MARK2: variants seen among roughly 807,000 people sequenced by gnomAD.
The protein encoded by MARK2 is serine/threonine-protein kinase MARK2.
MARK2 carries 16 observed loss-of-function variants against 89.8 expected under a neutral mutation model. That is an observed-to-expected ratio of 0.18 (90% CI 0.12 to 0.27). The LOEUF (loss-of-function observed/expected upper bound fraction) is 0.27. Among genes scored for constraint, MARK2 ranks in the 10% least tolerant of loss-of-function variants. MARK2 has a pLI of 1.00. For synonymous variants in MARK2, 382 were observed against 399.5 expected (o/e 0.96, Z 0.52); for missense variants, 621 against 1,049.9 (o/e 0.59, Z 5.65).
intron 1 of MARK2, among the ~76,000 whole-genome samples, chr11:63,861,110 C>T (rs1298194556): frequency 6.6e-6 from 1 of 152,150 alleles, no homozygotes; most frequent in Non-Finnish European, 1.5e-5. Flanking sequence ...TATTTTCTCT[C>T]TTCGGCTACT....
chr11:63,846,018 C>T (rs1338319155), intron 1 of MARK2, among the ~76,000 whole-genome samples: 3 of 151,864 alleles, frequency 2.0e-5, no homozygotes, highest in African/African-American at 7.3e-5. Context: ...CCACCGCGCC[C>T]GGCATCATTG....
chr11:63,908,836 C>G, intron 18 of MARK2, 41 bp from the exon 19 acceptor site: 2 of 1,391,778 alleles, frequency 1.4e-6, no homozygotes, highest in Non-Finnish European at 1.9e-6. Flanking sequence ...GGGTGGGGTG[C>G]CTCAGCCCCC....
intron 18 of MARK2, among the ~76,000 whole-genome samples, 189 bp from the exon 19 acceptor site, chr11:63,908,688 C>T (rs996027768): frequency 6.6e-6 from 1 of 152,198 alleles, no homozygotes; most frequent in African/African-American, 2.4e-5. Context: ...CTTCTCCTCC[C>T]CTTCGCTGTC....
chr11:63,877,069 C>G (rs1464109267), intron 1 of MARK2, among the ~76,000 whole-genome samples: 1 of 148,958 alleles, frequency 6.7e-6, no homozygotes, highest in Non-Finnish European at 1.5e-5. Flanking sequence ...TTGGGCCATT[C>G]CCTTCTCTTA....
chr11:63,860,507 A>G (rs1937693460), intron 1 of MARK2, among the ~76,000 whole-genome samples: 1 of 151,538 alleles, frequency 6.6e-6, no homozygotes, highest in African/African-American at 2.4e-5. Context: ...AGCCGAGATC[A>G]TGCCACTGCA....
At chr11:63,888,918 C>T (rs760697952) in intron 1 of MARK2, 2 of 1,350,582 alleles carry the variant, frequency 1.5e-6, no homozygotes, top group East Asian at 9.1e-5. Flanking sequence ...GCTGTGGGCT[C>T]TGCTGAATGG....
Position 63,902,457 on chromosome 11 carries a change from T to C in MARK2, c.1234+127T>C. The C allele has an allele frequency of 7.2e-7, 1 of 1,395,390 alleles. No individual in the cohort carries two copies. Among genetic ancestry groups the C allele is most frequent in the Non-Finnish European group, 9.9e-7 (1 of 1,007,382 alleles). The allele number at this position is 1,395,390 out of a possible 1,614,324, so 86.4% of individuals were successfully genotyped here. ...CAGCCACTTATTAGTAGTGTGGCTA[T>C]GGGCAAGCCACTTCCCTTCCCTCGC... On this transcript the variant is annotated intron_variant, in intron 12 of 18. Transcript: ENST00000402010. The surrounding 1 kb of genome is among the most constrained non-coding windows in gnomAD (Gnocchi z 4.2).
Position 63,900,786 on chromosome 11 carries a change from A to T in MARK2, c.895A>T (p.Met299Leu). 1 of 1,614,144 alleles carries T rather than the reference A, an allele frequency of 6.2e-7. No individual in the cohort carries two copies. Among genetic ancestry groups the T allele is most frequent in the Non-Finnish European group, 8.5e-7 (1 of 1,180,018 alleles). ...CCTTCTCTGTGCTCCCCAGCAAATC[A>T]TGAAAGATCGATGGATGAATGTGGG... ...PSKRGTLEQI[M>L]KDRWMNVGHE... Residue 299 changes from methionine to leucine, a missense_variant, in exon 10 of 19, where the codon ATG becomes TTG. By Grantham distance (15) the Met-to-Leu change is conservative. Around this residue, in one of 5 missense-constraint regions of MARK2, gnomAD observed 397 missense variants for 567.8 expected, o/e 0.70. Coordinates refer to ENST00000402010, the MANE Select transcript of MARK2 (RefSeq NM_001039469.3). The surrounding 1 kb of genome is among the most constrained non-coding windows in gnomAD (Gnocchi z 4.7).
chr11:63,873,450 C>T (rs950929175), intron 1 of MARK2, among the ~76,000 whole-genome samples: 1 of 152,052 alleles, frequency 6.6e-6, no homozygotes, highest in African/African-American at 2.4e-5. Flanking sequence ...AGTGGGAGCA[C>T]AGGCTGCCAG....
intron 1 of MARK2, among the ~76,000 whole-genome samples, chr11:63,849,653 T>C (rs2016465639): frequency 6.6e-6 from 1 of 152,194 alleles, no homozygotes; most frequent in Non-Finnish European, 1.5e-5. Flanking sequence ...CTCGGAAGGC[T>C]GAGGCACAAG....
intron 1 of MARK2, among the ~76,000 whole-genome samples, chr11:63,852,400 A>G (rs2016615564): frequency 6.6e-6 from 1 of 152,166 alleles, no homozygotes; most frequent in Non-Finnish European, 1.5e-5. Flanking sequence ...AGTAAGTACT[A>G]CTTGTAAAAC....
At chr11:63,886,064 G>A (rs1344380512) in intron 1 of MARK2, among the ~76,000 whole-genome samples, 1 of 151,932 alleles carries the variant, frequency 6.6e-6, no homozygotes, top group African/African-American at 2.4e-5. Context: ...GGGAAGCAGA[G>A]GTTGCGGTGA....
In MARK2 at chr11:63,902,109, G is replaced by A; in HGVS notation, c.1102-89G>A. On this transcript the variant is annotated intron_variant, in intron 11 of 18. Transcript: ENST00000402010. This position sits in a 1 kb window ranked among gnomAD's most constrained non-coding sequence, Gnocchi z 4.2. ...ATGATCCTGGGGTGTTTGAGTGTTGGGAGAGGGCGGTATGTGTAAATGTGT... is the reference window on the plus strand; with the variant it reads ...ATGATCCTGGGGTGTTTGAGTGTTGAGAGAGGGCGGTATGTGTAAATGTGT... 6.9e-7 allele frequency: 1 copy of A among 1,439,468 alleles called. No homozygotes were observed. Among genetic ancestry groups the A allele is most frequent in the Non-Finnish European group, 9.6e-7 (1 of 1,044,790 alleles). 89.2% of individuals were successfully genotyped at this position (1,439,468 alleles called of 1,614,324 possible).
Position 63,883,147 on chromosome 11 carries a change from G to A in MARK2, c.55-12012G>A, listed in dbSNP as rs528134610. ...TGGCACCATGTGGTACTGGTATGTC[G>A]GCTGTTTCATGGACCTTTTCTGGGA... On this transcript the variant is annotated intron_variant, in intron 1 of 18. Coordinates refer to ENST00000402010, the MANE Select transcript of MARK2 (RefSeq NM_001039469.3). Among the ~76,000 whole-genome samples, 254 of 152,274 alleles carry A rather than the reference G, an allele frequency of 1.7e-3. 2 individuals carry two copies. The highest frequency in any genetic ancestry group is 5.9e-3 in the African/African-American group (245 of 41,552).
intron 1 of MARK2, among the ~76,000 whole-genome samples, chr11:63,868,237 GA>G (rs1938242670): frequency 6.6e-6 from 1 of 151,888 alleles, no homozygotes; most frequent in Non-Finnish European, 1.5e-5. Flanking sequence ...ATAAAAAATA[GA>G]AAAGTTAGCT....
At chr11:63,898,912 TG>T in intron 6 of MARK2, 79 bp downstream of exon 6, 1 of 1,377,254 alleles carries the variant, frequency 7.3e-7, no homozygotes, top group Non-Finnish European at 1.0e-6. Context: ...GCTGCCTGTC[TG>T]TAAGTGGCCC....
At position 63,902,567 on chromosome 11, in the gene MARK2, G is replaced by A; in HGVS notation, c.1235-34G>A. The A allele has an allele frequency of 6.3e-6, 10 of 1,595,346 alleles. No homozygotes were observed. Among genetic ancestry groups the A allele is most frequent in the Non-Finnish European group, 8.6e-6 (10 of 1,166,436 alleles). On this transcript the variant is annotated intron_variant, in intron 12 of 18. Coordinates refer to ENST00000402010, the MANE Select transcript of MARK2 (RefSeq NM_001039469.3). This position sits in a 1 kb window ranked among gnomAD's most constrained non-coding sequence, Gnocchi z 4.2. ...GGGGCTGGCACTCAGTGGACCCCTT[G>A]GCCTTACCCATTCCCATCCTCCCTC...
At chr11:63,865,626 A>G (rs1190265262) in intron 1 of MARK2, among the ~76,000 whole-genome samples, 2 of 152,228 alleles carry the variant, frequency 1.3e-5, no homozygotes, top group Non-Finnish European at 2.9e-5. Flanking sequence ...GGTTAGGTCC[A>G]TAGGGGCTCT....
chr11:63,863,166 C>T (rs1239024427), intron 1 of MARK2, among the ~76,000 whole-genome samples: 1 of 152,146 alleles, frequency 6.6e-6, no homozygotes, highest in Non-Finnish European at 1.5e-5. Flanking sequence ...CCACTACTTC[C>T]TGTTTGCATT....
Sources: allele counts gnomAD v4.1 joint callset (sites outside exome capture counted in the v4.1 genomes callset), GRCh38; gene constraint gnomAD v4.1.1; regional missense constraint gnomAD v4.1.1; non-coding constraint Gnocchi (gnomAD v3.1); transcripts MANE v1.5; gene names NCBI Gene and HGNC (gene_info 2026-07-23, HGNC 2026-07-21).